NCK1: variants seen among roughly 807,000 people sequenced by gnomAD.
NCK1 encodes SH2/SH3 adapter protein NCK1.
NCK1 carries 19 observed loss-of-function variants against 36.6 expected under a neutral mutation model. The ratio of observed to expected loss-of-function variants is 0.52; its 90% CI spans 0.36 to 0.76. NCK1 has a LOEUF of 0.76. Ranked by LOEUF, NCK1 falls within the 30% of genes least tolerant of loss-of-function variation. NCK1 has a pLI of 0.00. For synonymous variants in NCK1, 165 were observed against 156.0 expected (o/e 1.06, Z -0.43); for missense variants, 358 against 445.6 (o/e 0.80, Z 1.77).
chr3:136,911,285 G>T (rs1320278352), intron 1 of NCK1, among the ~76,000 whole-genome samples: 2 of 152,136 alleles, frequency 1.3e-5, no homozygotes, highest in African/African-American at 2.4e-5. Context: ...GGGATTGCTG[G>T]ATCATATGGT....
At chr3:136,903,271 C>G (rs1306672117) in intron 1 of NCK1, among the ~76,000 whole-genome samples, 1 of 152,104 alleles carries the variant, frequency 6.6e-6, no homozygotes, top group South Asian at 2.1e-4. Context: ...ATAGCTACTT[C>G]TAGTCACTGT....
chr3:136,947,868 G>T (rs1940868434), intron 3 of NCK1, among the ~76,000 whole-genome samples: 1 of 152,074 alleles, frequency 6.6e-6, no homozygotes, highest in African/African-American at 2.4e-5. Context: ...AAAGGGGTTG[G>T]GTGGGTATCT....
At chr3:136,914,178 C>T (rs1031735145) in intron 1 of NCK1, among the ~76,000 whole-genome samples, 4 of 152,174 alleles carry the variant, frequency 2.6e-5, no homozygotes, top group Non-Finnish European at 4.4e-5. Context: ...GTCTGTATCT[C>T]AGTGATCAGA....
At position 136,948,272 on chromosome 3, in the gene NCK1, C is replaced by T; in HGVS notation, c.953C>T (p.Ser318Leu). 1 of 1,590,626 alleles carries T rather than the reference C, an allele frequency of 6.3e-7. No individual in the cohort carries two copies. ...TTTCTCTTTTAGCCAAATGATTTCTCAGTATCACTAAAAGCACAAGGGAAA... is the reference window on the plus strand; with the variant it reads ...TTTCTCTTTTAGCCAAATGATTTCTTAGTATCACTAAAAGCACAAGGGAAA... Reference protein sequence around the residue: ...RDSESSPNDFSVSLKAQGKNK... With the variant: ...RDSESSPNDFLVSLKAQGKNK... Residue 318 changes from serine (S) to leucine (L), a missense_variant, in exon 4 of 4, where the codon TCA (serine) becomes TTA (leucine). This residue lies in a region of NCK1 where 207 missense variants were observed against 253.4 expected (regional missense o/e 0.82). Coordinates refer to ENST00000481752, the MANE Select transcript of NCK1 (RefSeq NM_001291999.2).
chr3:136,885,863 T>A (rs1451821614), intron 1 of NCK1, among the ~76,000 whole-genome samples: 2 of 152,188 alleles, frequency 1.3e-5, no homozygotes, highest in Non-Finnish European at 2.9e-5. Context: ...TATGTTCTTT[T>A]TAGAATGTTA....
At chr3:136,931,627 T>A (rs770643567) in intron 2 of NCK1, among the ~76,000 whole-genome samples, 21 of 152,302 alleles carry the variant, frequency 1.4e-4, no homozygotes, top group Non-Finnish European at 2.6e-4. Flanking sequence ...CTCATTCATT[T>A]GTTTATCAAC....
At chr3:136,915,267 A>G (rs375750084) in intron 1 of NCK1, among the ~76,000 whole-genome samples, 1 of 152,196 alleles carries the variant, frequency 6.6e-6, no homozygotes, top group East Asian at 1.9e-4. Context: ...TATTGAGAAG[A>G]TAAAAGGGAC....
intron 1 of NCK1, among the ~76,000 whole-genome samples, chr3:136,921,296 A>G (rs1037993958): frequency 5.9e-5 from 9 of 152,232 alleles, no homozygotes; most frequent in Admixed American, 1.3e-4. Context: ...ATTTAATTCC[A>G]ATATATTTTT....
intron 1 of NCK1, among the ~76,000 whole-genome samples, chr3:136,876,194 G>A (rs1237160457): frequency 1.3e-5 from 2 of 152,180 alleles, no homozygotes; most frequent in South Asian, 4.2e-4. Flanking sequence ...GCCCAAAAGA[G>A]AAAGCAGGAA....
intron 1 of NCK1, among the ~76,000 whole-genome samples, chr3:136,894,215 T>C (rs538875261): frequency 1.3e-5 from 2 of 152,276 alleles, no homozygotes; most frequent in South Asian, 4.2e-4. Flanking sequence ...GTGGAAGCAT[T>C]ACCCTCAGGA....
At chr3:136,941,735 T>C (rs1169107466) in intron 2 of NCK1, among the ~76,000 whole-genome samples, 1 of 152,116 alleles carries the variant, frequency 6.6e-6, no homozygotes. Context: ...GCAATACTAC[T>C]GACTTTTATA....
At position 136,949,909 on chromosome 3, in the gene NCK1, G is replaced by C. The variant is rs1263954110; in HGVS notation, c.*1456G>C. On this transcript the variant is annotated 3_prime_UTR_variant, in exon 4 of 4. Transcript: ENST00000481752. ...ATTTAAAGACTTATGTTGCCACTGG[G>C]TGGCAGCCATGGCTTCTCCCACTAA... 6.6e-6 allele frequency: 1 copy of C among 151,946 alleles called. No homozygotes were observed. Among genetic ancestry groups the C allele is most frequent in the African/African-American group, 2.4e-5 (1 of 41,400 alleles). The allele number at this position is 151,946 out of a possible 1,614,324, so 9.4% of individuals were successfully genotyped here. A position where few individuals can be genotyped will look rare whatever the true frequency, so the allele number is the denominator to read the frequency against.
chr3:136,945,547 A>T (rs1295534353), intron 2 of NCK1, 36 bp from the exon 3 acceptor site: 6 of 1,348,020 alleles, frequency 4.5e-6, no homozygotes, highest in Admixed American at 2.2e-5. Flanking sequence ...TCATTTTTTT[A>T]TATTCTCCTC....
intron 1 of NCK1, among the ~76,000 whole-genome samples, chr3:136,887,274 C>A (rs1017908129): frequency 6.6e-6 from 1 of 152,202 alleles, no homozygotes; most frequent in Admixed American, 6.5e-5. Context: ...CTCAAACGAT[C>A]TTCCCACCTT....
chr3:136,867,799 A>G (rs1192439187), intron 1 of NCK1, among the ~76,000 whole-genome samples: 10 of 152,168 alleles, frequency 6.6e-5, no homozygotes, highest in African/African-American at 2.4e-4. Context: ...ATGAAACCAT[A>G]CTACTTCTCA....
In NCK1 at chr3:136,888,911, C is replaced by T. The variant is rs1056506671; in HGVS notation, c.-19+26558C>T. ...TTTTGAGGCAAGGTTTGCTCTGTTG[C>T]TTGGACTGTAGTGCAGTGCTTGATC... On this transcript the variant is annotated intron_variant, in intron 1 of 3. Coordinates refer to ENST00000481752, the MANE Select transcript of NCK1 (RefSeq NM_001291999.2). Among the ~76,000 whole-genome samples, 3 of 151,790 alleles carry T rather than the reference C, an allele frequency of 2.0e-5. No individual in the cohort carries two copies. The East Asian group carries it at 5.8e-4, about 29-fold the overall frequency.
Position 136,924,902 on chromosome 3 carries a change from T to A in NCK1, c.-18-3082T>A, listed in dbSNP as rs538857866. 2.6e-5 allele frequency among the ~76,000 whole-genome samples: 4 copies of A among 152,248 alleles called. No individual in the cohort carries two copies. In the East Asian group the frequency reaches 7.7e-4, roughly 29 times the overall value. ...TATATGGGTTAAAAAAGGGAAAAGG[T>A]CAGGAGCCCTTGATTTGTTCATTTT... On this transcript the variant is annotated intron_variant, in intron 1 of 3. Coordinates refer to ENST00000481752, the MANE Select transcript of NCK1 (RefSeq NM_001291999.2).
At position 136,868,129 on chromosome 3, in the gene NCK1, TG is replaced by T. The variant is rs1938503789; in HGVS notation, c.-19+5778del. 3.9e-5 allele frequency among the ~76,000 whole-genome samples: 6 copies of T among 152,182 alleles called. No individual in the cohort carries two copies. The South Asian group carries it at 1.2e-3, about 32-fold the overall frequency. ...ATGGGTTTCACCATGTTGGCCAGGC[TG>T]GTCTCAAACTCCTGACCTCAGGTGA... On this transcript the variant is annotated intron_variant, in intron 1 of 3. Transcript: ENST00000481752.
Position 136,870,050 on chromosome 3 carries a change from T to TA in NCK1, c.-19+7701dup, listed in dbSNP as rs72448103. Among the ~76,000 whole-genome samples, 73 of 101,554 alleles carry TA rather than the reference T, an allele frequency of 7.2e-4. 1 individual carries two copies. Among genetic ancestry groups the TA allele is most frequent in the African/African-American group, 1.6e-3 (55 of 35,398 alleles). 66.6% of individuals were successfully genotyped at this position (101,554 alleles called of 152,430 possible). On this transcript the variant is annotated intron_variant, in intron 1 of 3. Transcript: ENST00000481752. ...AAAGTTTTTTTTTTTTTTTTTTTTT[T>TA]AAAAGAATCATCCTGGCCCAGCGCA...
Sources: gnomAD v4.1 joint callset for allele counts (sites outside exome capture counted in the v4.1 genomes callset) on GRCh38, gnomAD v4.1.1 for gene constraint, gnomAD v4.1.1 regional missense constraint, MANE v1.5 for transcripts, NCBI Gene and HGNC (gene_info 2026-07-23, HGNC 2026-07-21) for gene names.